KANSL1L: variants seen among roughly 807,000 people sequenced by gnomAD.
KANSL1L encodes KAT8 regulatory NSL complex subunit 1 like.
Under a neutral mutation model 108.6 loss-of-function variants are expected in KANSL1L, and 25 were observed. That is an observed-to-expected ratio of 0.23 (90% CI 0.17 to 0.32). The LOEUF (loss-of-function observed/expected upper bound fraction) is 0.32, where lower values mean the gene tolerates loss of function less well. KANSL1L is among the 10% of genes least tolerant of loss of function. KANSL1L has a pLI of 1.00. For synonymous variants in KANSL1L, 405 were observed against 395.1 expected (o/e 1.03, Z -0.30); for missense variants, 1,137 against 1,125.7 (o/e 1.01, Z -0.14).
intron 3 of KANSL1L, among the ~76,000 whole-genome samples, chr2:210,108,781 G>A (rs984680297): frequency 1.3e-5 from 2 of 152,294 alleles, no homozygotes; most frequent in Admixed American, 1.3e-4. Flanking sequence ...GAAACACTTA[G>A]TGAATGTGGT....
At chr2:210,161,007 G>A (rs951965663) in intron 1 of KANSL1L, among the ~76,000 whole-genome samples, 1 of 49,182 alleles carries the variant, frequency 2.0e-5, no homozygotes, top group East Asian at 5.6e-4. Context: ...TTTTTTTTTT[G>A]AGACGGAGTT....
intron 3 of KANSL1L, among the ~76,000 whole-genome samples, chr2:210,107,476 C>T (rs919288304): frequency 6.8e-6 from 1 of 147,346 alleles, no homozygotes; most frequent in Non-Finnish European, 1.5e-5. Flanking sequence ...CAAGAACCAC[C>T]AAAGGATGTT....
rs1337137488 is a variant in KANSL1L, at chr2:210,171,320, GCCGCCGCCGCCGC to G, written c.-214_-202del. On this transcript the variant is annotated 5_prime_UTR_variant, in exon 1 of 15. Transcript: ENST00000281772. The stretch of plus-strand genomic sequence containing the variant: ...GGCCGCCGCCGCCGCCGCCGCCGCC[GCCGCCGCCGCCGC>G]CGCCGCCGCGGTTTAACAGTCCGCC... 6.4e-6 allele frequency: 1 copy of G among 157,104 alleles called. No homozygotes were observed. 9.7% of individuals were successfully genotyped at this position (157,104 alleles called of 1,614,324 possible).
intron 3 of KANSL1L, among the ~76,000 whole-genome samples, chr2:210,105,350 AAT>A (rs761618984): frequency 5.8e-4 from 85 of 146,342 alleles, no homozygotes; most frequent in South Asian, 1.9e-3. Flanking sequence ...TACATATATA[AAT>A]ATATATATAT....
intron 1 of KANSL1L, chr2:210,170,649 G>C (rs1178481293): frequency 6.6e-6 from 1 of 152,186 alleles, no homozygotes; most frequent in Non-Finnish European, 1.5e-5. Context: ...TTTCCTGAAA[G>C]AAAGTGTGAA....
At chr2:210,126,221 A>G (rs1395725754) in intron 3 of KANSL1L, among the ~76,000 whole-genome samples, 1 of 152,224 alleles carries the variant, frequency 6.6e-6, no homozygotes, top group African/African-American at 2.4e-5. Flanking sequence ...AACAGCATCA[A>G]AAAGAATAAA....
In KANSL1L at chr2:210,040,423, G is replaced by A. The variant is rs140398084; in HGVS notation, c.2026C>T (p.Pro676Ser). The change falls in exon 8 of 15, where the codon CCT (proline) becomes TCT (serine). Residue 676 changes from proline (P) to serine (S), a missense_variant. By Grantham distance (74) the Pro-to-Ser change is moderately conservative. Transcript: ENST00000281772. ...AAGAACTGTAAATGTGACATACCAG[G>A]TGATGGAGATATGATATATTCATCT... is the stretch of plus-strand genomic sequence containing the variant. ...FVDEYIISPS[P>S]VHSTLNQWRN... The A allele has an allele frequency of 2.6e-5, 35 of 1,353,460 alleles. No homozygotes were observed. The African/African-American group carries it at 4.0e-4, about 16-fold the overall frequency. 83.8% of individuals were successfully genotyped at this position (1,353,460 alleles called of 1,614,324 possible). A position where few individuals can be genotyped will look rare whatever the true frequency, so the allele number is the denominator to read the frequency against.
At position 210,058,915 on chromosome 2, in the gene KANSL1L, C is replaced by T. The variant is rs541631309; in HGVS notation, c.1756-14811G>A. Among the ~76,000 whole-genome samples the T allele has an allele frequency of 4.0e-5, 6 of 151,642 alleles. No individual in the cohort carries two copies. The East Asian group carries it at 1.2e-3, about 30-fold the overall frequency. On this transcript the variant is annotated intron_variant, in intron 6 of 14. Coordinates refer to ENST00000281772, the MANE Select transcript of KANSL1L (RefSeq NM_152519.4). The stretch of plus-strand genomic sequence containing the variant: ...AACCTGCCAACATGTGGTATCTCCC[C>T]CGGACACCCAGCTTTAAAATTTCTC...
At chr2:210,054,282 A>AC (rs1415800851) in intron 6 of KANSL1L, among the ~76,000 whole-genome samples, 1 of 150,778 alleles carries the variant, frequency 6.6e-6, no homozygotes, top group Non-Finnish European at 1.5e-5. Flanking sequence ...AGATCACACC[A>AC]CTGTACTCCA....
chr2:210,167,393 A>C (rs1303144481), intron 1 of KANSL1L, among the ~76,000 whole-genome samples: 1 of 152,056 alleles, frequency 6.6e-6, no homozygotes, highest in Non-Finnish European at 1.5e-5. Context: ...TTAAAGATAA[A>C]GCCACTTGGG....
intron 7 of KANSL1L, among the ~76,000 whole-genome samples, chr2:210,042,616 A>G (rs1281023727): frequency 2.6e-5 from 4 of 152,214 alleles, no homozygotes; most frequent in African/African-American, 9.6e-5. Context: ...GATGAACAGA[A>G]CAAAGATATC....
At chr2:210,050,900 C>T (rs899045438) in intron 6 of KANSL1L, among the ~76,000 whole-genome samples, 3 of 152,002 alleles carry the variant, frequency 2.0e-5, no homozygotes, top group South Asian at 2.1e-4. Context: ...CACACCACCA[C>T]ACCCAGCTAA....
At chr2:210,158,625 G>C (rs114916861) in intron 1 of KANSL1L, among the ~76,000 whole-genome samples, 1 of 151,438 alleles carries the variant, frequency 6.6e-6, no homozygotes, top group African/African-American at 2.4e-5. Context: ...GTCTATGAAA[G>C]TCCGGGACAT....
intron 3 of KANSL1L, among the ~76,000 whole-genome samples, chr2:210,117,255 A>C (rs1575563484): frequency 6.6e-6 from 1 of 152,234 alleles, no homozygotes; most frequent in African/African-American, 2.4e-5. Flanking sequence ...GATCAAAAAA[A>C]TAGCCTCAAA....
intron 3 of KANSL1L, among the ~76,000 whole-genome samples, chr2:210,118,322 G>A (rs1293955812): frequency 1.3e-5 from 2 of 151,292 alleles, no homozygotes; most frequent in African/African-American, 4.9e-5. Flanking sequence ...TATAAAATTA[G>A]CCAGGCATGG....
intron 1 of KANSL1L, among the ~76,000 whole-genome samples, chr2:210,160,928 T>G (rs1030026838): frequency 3.3e-5 from 5 of 150,584 alleles, no homozygotes; most frequent in Non-Finnish European, 2.9e-5. Context: ...AGCAAAAGGA[T>G]GAACACATAT....
intron 5 of KANSL1L, among the ~76,000 whole-genome samples, chr2:210,079,644 A>ATATATGTGTG (rs1553653223): frequency 2.0e-3 from 18 of 8,982 alleles, no homozygotes; most frequent in Non-Finnish European, 5.0e-3. Flanking sequence ...ATATATATAT[A>ATATATGTGTG]TATATATATA....
At chr2:210,078,980 T>A (rs534980130) in intron 5 of KANSL1L, among the ~76,000 whole-genome samples, 1 of 152,310 alleles carries the variant, frequency 6.6e-6, no homozygotes, top group Admixed American at 6.5e-5. Flanking sequence ...AGACAGGGTT[T>A]CCTTCTGTTG....
chr2:210,103,452 T>A (rs1425587443), intron 4 of KANSL1L, among the ~76,000 whole-genome samples: 1 of 152,112 alleles, frequency 6.6e-6, no homozygotes, highest in Non-Finnish European at 1.5e-5. Context: ...ACATGTACCC[T>A]AGAACTTAAA....
Sources: allele counts gnomAD v4.1 joint callset (sites outside exome capture counted in the v4.1 genomes callset), GRCh38; gene constraint gnomAD v4.1.1; transcripts MANE v1.5; gene names NCBI Gene and HGNC (gene_info 2026-07-23, HGNC 2026-07-21).